EMILIN2: variants seen among roughly 807,000 people sequenced by gnomAD.
EMILIN2 encodes EMILIN-2.
In EMILIN2, 71 loss-of-function variants were observed where a neutral mutation model predicts 87.1. That is an observed-to-expected ratio of 0.82 (90% CI 0.67 to 0.99). EMILIN2 has a LOEUF of 0.99. Ranked by LOEUF, EMILIN2 falls within the 50% of genes least tolerant of loss-of-function variation. The probability of loss-of-function intolerance (pLI) is 0.00; values close to 1 mark genes in which losing one functional copy is unlikely to be tolerated. For synonymous variants in EMILIN2, 581 were observed against 563.4 expected (o/e 1.03, Z -0.44); for missense variants, 1,407 against 1,371.8 (o/e 1.03, Z -0.40).
At chr18:2,868,067 T>C (rs1281115227) in intron 2 of EMILIN2, among the ~76,000 whole-genome samples, 5 of 151,388 alleles carry the variant, frequency 3.3e-5, no homozygotes, top group Non-Finnish European at 5.9e-5. Context: ...TGGACGGGGC[T>C]CCTCACTTCT....
intron 2 of EMILIN2, among the ~76,000 whole-genome samples, chr18:2,871,950 G>A (rs561024551): frequency 6.6e-6 from 1 of 152,174 alleles, no homozygotes; most frequent in Non-Finnish European, 1.5e-5. Flanking sequence ...ATGTCTGGGG[G>A]GCAAAAGAGG....
In EMILIN2 at chr18:2,884,822, G is replaced by A. The variant is rs2076795099; in HGVS notation, c.258-142G>A. 3.7e-6 allele frequency: 3 copies of A among 806,024 alleles called. No homozygotes were observed. In the Admixed American group the frequency reaches 1.0e-4, roughly 28 times the overall value. 49.9% of individuals were successfully genotyped at this position (806,024 alleles called of 1,614,324 possible). A position where few individuals can be genotyped will look rare whatever the true frequency, so the allele number is the denominator to read the frequency against. ...TGAACCCCCCAGTCAGATCTGGACTGAGGAGACCAACATCCCCTCTGGGCC... is the reference window on the plus strand; with the variant it reads ...TGAACCCCCCAGTCAGATCTGGACTAAGGAGACCAACATCCCCTCTGGGCC... On this transcript the variant is annotated intron_variant, in intron 2 of 7. Transcript: ENST00000254528.
chr18:2,873,019 AAAC>A (rs2076727790), intron 2 of EMILIN2, among the ~76,000 whole-genome samples: 2 of 152,056 alleles, frequency 1.3e-5, no homozygotes. Flanking sequence ...TATTTAAATA[AAAC>A]AACAAAATAA....
At position 2,907,002 on chromosome 18, in the gene EMILIN2, C is replaced by A. The variant is rs1242019636; in HGVS notation, c.2579C>A (p.Ser860Tyr). 7.3e-7 allele frequency: 1 copy of A among 1,364,478 alleles called. No individual in the cohort carries two copies. The highest frequency in any genetic ancestry group is 1.5e-5 in the African/African-American group (1 of 66,272). The allele number at this position is 1,364,478 out of a possible 1,614,324, so 84.5% of individuals were successfully genotyped here. A position where few individuals can be genotyped will look rare whatever the true frequency, so the allele number is the denominator to read the frequency against. Residue 860 changes from serine to tyrosine, a missense_variant, in exon 5 of 8, where the codon TCT becomes TAT. Transcript: ENST00000254528. ...QAGPPAGAGV[S>Y]GRGLPRGVDG... ...GGGCCCCCCGCAGGCGCAGGCGTGT[C>A]TGGGCGGGGTCTGCCGCGGGGCGTG...
chr18:2,899,067 G>A (rs1054571915), intron 4 of EMILIN2, among the ~76,000 whole-genome samples: 3 of 123,428 alleles, frequency 2.4e-5, no homozygotes, highest in East Asian at 2.2e-4. Flanking sequence ...ATGCATAAAT[G>A]CCTCTGGGAT....
chr18:2,899,987 T>C (rs781333286), intron 4 of EMILIN2, among the ~76,000 whole-genome samples: 15 of 152,340 alleles, frequency 9.8e-5, no homozygotes, highest in Non-Finnish European at 1.8e-4. Context: ...AGTTTGTACT[T>C]TGCAGAAATT....
rs747742584 is a variant in EMILIN2, at chr18:2,909,677, T to C, written c.2696-14T>C. 6.2e-7 allele frequency: 1 copy of C among 1,613,398 alleles called. No homozygotes were observed. The highest frequency in any genetic ancestry group is 1.1e-5 in the South Asian group (1 of 91,056). Reference sequence around the variant, plus strand: ...GCACCCGGGTCAATCCATTCCATCCTTTCTCTGCTCCAGGAGCTCCGGTGC... The same window carrying C: ...GCACCCGGGTCAATCCATTCCATCCCTTCTCTGCTCCAGGAGCTCCGGTGC... On this transcript the variant is annotated splice_polypyrimidine_tract_variant and intron_variant, in intron 6 of 7. Transcript: ENST00000254528.
intron 2 of EMILIN2, among the ~76,000 whole-genome samples, chr18:2,851,368 G>A (rs935019511): frequency 2.6e-5 from 4 of 152,176 alleles, no homozygotes; most frequent in African/African-American, 4.8e-5. Flanking sequence ...CCAGGAGTTC[G>A]AGGCTGCAGT....
At chr18:2,862,408 A>C (rs962658875) in intron 2 of EMILIN2, among the ~76,000 whole-genome samples, 4 of 152,232 alleles carry the variant, frequency 2.6e-5, no homozygotes, top group African/African-American at 9.6e-5. Flanking sequence ...GATACGTCCC[A>C]TCAATACCTA....
At chr18:2,888,488 G>C (rs2076814233) in intron 3 of EMILIN2, among the ~76,000 whole-genome samples, 1 of 152,106 alleles carries the variant, frequency 6.6e-6, no homozygotes, top group South Asian at 2.1e-4. Context: ...GGCCGAGGCG[G>C]GTGGATCACA....
rs1191736972 is a variant in EMILIN2, at chr18:2,848,485, T to C, written c.257+554T>C. On this transcript the variant is annotated intron_variant, in intron 2 of 7. Transcript: ENST00000254528. The surrounding 1 kb of genome is among the most constrained non-coding windows in gnomAD (Gnocchi z 4.1). Reference sequence around the variant, plus strand: ...TAAAAGTGTGGCTCCCCAGCATCCCTCCCCGCAACTTAGATTTGGAGATTC... The same window carrying C: ...TAAAAGTGTGGCTCCCCAGCATCCCCCCCCGCAACTTAGATTTGGAGATTC... 6.6e-6 allele frequency among the ~76,000 whole-genome samples: 1 copy of C among 151,528 alleles called. No homozygotes were observed. The highest frequency in any genetic ancestry group is 1.5e-5 in the Non-Finnish European group (1 of 67,930).
In EMILIN2 at chr18:2,890,875, G is replaced by C. The variant is rs372924807; in HGVS notation, c.748G>C (p.Gly250Arg). 7.4e-6 allele frequency: 12 copies of C among 1,613,792 alleles called. No homozygotes were observed. The highest frequency in any genetic ancestry group is 9.3e-6 in the Non-Finnish European group (11 of 1,180,020). ...AGACACAGAAACGGGCCAGAGTCCT[G>C]GTGTCTTCAACACTAAGGAATCTGG... ...SGDTETGQSP[G>R]VFNTKESGMK... Residue 250 changes from glycine (G) to arginine (R), a missense_variant, in exon 4 of 8, where the codon GGT becomes CGT. By Grantham distance (125) the Gly-to-Arg change is moderately radical. Transcript: ENST00000254528. This position sits in a 1 kb window ranked among gnomAD's most constrained non-coding sequence, Gnocchi z 4.7.
intron 2 of EMILIN2, among the ~76,000 whole-genome samples, chr18:2,877,017 T>G (rs901496103): frequency 2.0e-4 from 30 of 152,356 alleles, no homozygotes; most frequent in African/African-American, 6.7e-4. Context: ...AGAGATAAGA[T>G]GAAAATTCTG....
chr18:2,873,270 C>A lies in EMILIN2; in HGVS notation c.258-11694C>A, dbSNP rs140418776. ...TACTAAAAATACAAAATTACCCAGACATGGTGGCACATGCCTGTAATCCCG... is the reference window on the plus strand; with the variant it reads ...TACTAAAAATACAAAATTACCCAGAAATGGTGGCACATGCCTGTAATCCCG... On this transcript the variant is annotated intron_variant, in intron 2 of 7. Transcript: ENST00000254528. Among the ~76,000 whole-genome samples the A allele has an allele frequency of 7.7e-3, 1,167 of 151,966 alleles. 12 individuals carry two copies. The highest frequency in any genetic ancestry group is 0.026 in the African/African-American group (1,090 of 41,420).
At chr18:2,869,476 A>G (rs1462498839) in intron 2 of EMILIN2, among the ~76,000 whole-genome samples, 1 of 152,150 alleles carries the variant, frequency 6.6e-6, no homozygotes, top group Non-Finnish European at 1.5e-5. Context: ...CTCACTAGGG[A>G]TAAGTTTGCA....
At chr18:2,884,805 C>CT (rs1297213464) in intron 2 of EMILIN2, among the ~76,000 whole-genome samples, 159 bp from the exon 3 acceptor site, 1 of 152,158 alleles carries the variant, frequency 6.6e-6, no homozygotes, top group African/African-American at 2.4e-5. Context: ...GCTGAACCCC[C>CT]CAGTCAGATC....
At position 2,847,209 on chromosome 18, in the gene EMILIN2, C is replaced by T. The variant is rs1451173031; in HGVS notation, c.21C>T (p.Pro7=). Residue 7 remains proline, a synonymous_variant, in exon 1 of 8, where the codon CCC becomes CCT. Coordinates refer to ENST00000254528, the MANE Select transcript of EMILIN2 (RefSeq NM_032048.3). The surrounding 1 kb of genome is among the most constrained non-coding windows in gnomAD (Gnocchi z 4.5). MWQPRR[P]WPRVPWRWAL... is the part of the protein sequence containing the mutation. ...GCGGGATGTGGCAGCCCAGACGGCC[C>T]TGGCCCCGCGTGCCCTGGCGCTGGG... 11 of 1,233,086 alleles carry T rather than the reference C, an allele frequency of 8.9e-6. No individual in the cohort carries two copies. In the African/African-American group the frequency reaches 1.4e-4, roughly 16 times the overall value. 76.4% of individuals were successfully genotyped at this position (1,233,086 alleles called of 1,614,324 possible). A position where few individuals can be genotyped will look rare whatever the true frequency, so the allele number is the denominator to read the frequency against.
chr18:2,873,589 C>A (rs1461836473), intron 2 of EMILIN2, among the ~76,000 whole-genome samples: 2 of 151,638 alleles, frequency 1.3e-5, no homozygotes, highest in Non-Finnish European at 2.9e-5. Context: ...CGCCTGTAGT[C>A]CCAGCTACTC....
At chr18:2,852,350 A>T (rs892530191) in intron 2 of EMILIN2, among the ~76,000 whole-genome samples, 13 of 152,216 alleles carry the variant, frequency 8.5e-5, no homozygotes, top group Admixed American at 3.3e-4. Context: ...TGCATGGACC[A>T]GTGAGCTCGA....
Sources: allele counts gnomAD v4.1 joint callset (sites outside exome capture counted in the v4.1 genomes callset), GRCh38; gene constraint gnomAD v4.1.1; non-coding constraint Gnocchi (gnomAD v3.1); transcripts MANE v1.5; gene names NCBI Gene and HGNC (gene_info 2026-07-23, HGNC 2026-07-21).